Variants in ZNF66 observed in about 807,000 individuals in gnomAD.
ZNF66 encodes the protein putative zinc finger protein 66.
Under a neutral mutation model 35.2 loss-of-function variants are expected in ZNF66, and 32 were observed. The observed-to-expected ratio is 0.91, with a 90% confidence interval of 0.69 to 1.22. ZNF66 has a LOEUF of 1.22. ZNF66 is among the 50% of genes most tolerant of loss of function. The pLI, the probability that ZNF66 is intolerant of heterozygous loss-of-function variation, is 0.00. For synonymous variants in ZNF66, 231 were observed against 181.3 expected (o/e 1.27, Z -2.20); for missense variants, 666 against 543.1 (o/e 1.23, Z -2.25).
chr19:20,776,596 C>A, intron 1 of ZNF66, 146 bp downstream of exon 1: 1 of 1,168,650 alleles, frequency 8.6e-7, no homozygotes, highest in Non-Finnish European at 1.2e-6. Context: ...ATGGCGGCTA[C>A]GCTGACAGCC....
intron 1 of ZNF66, among the ~76,000 whole-genome samples, chr19:20,785,655 A>G (rs1038224916): frequency 6.6e-5 from 10 of 152,186 alleles, no homozygotes; most frequent in Admixed American, 6.5e-5. Context: ...TAATTTTATA[A>G]GAAAGCCATT....
At chr19:20,795,625 C>T (rs1971384904) in intron 3 of ZNF66, among the ~76,000 whole-genome samples, 1 of 152,132 alleles carries the variant, frequency 6.6e-6, no homozygotes, top group African/African-American at 2.4e-5. Flanking sequence ...CCTCAGCCTC[C>T]CAAATTGCTG....
At chr19:20,787,147 A>G (rs1971294105) in intron 1 of ZNF66, among the ~76,000 whole-genome samples, 1 of 152,198 alleles carries the variant, frequency 6.6e-6, no homozygotes, top group Non-Finnish European at 1.5e-5. Flanking sequence ...ATTTCTGAAA[A>G]ACAACTTTGT....
chr19:20,808,755 G>A lies in ZNF66; in HGVS notation c.*1433G>A, dbSNP rs1241390132. On this transcript the variant is annotated 3_prime_UTR_variant, in exon 4 of 4. Transcript: ENST00000344519. ...ACCACAAAGATGGGGAAAAAACAGA[G>A]CAGAAAAACTGGAAAGTCTAAAAAG... is the stretch of plus-strand genomic sequence containing the variant. Among the ~76,000 whole-genome samples, 1 of 151,856 alleles carries A rather than the reference G, an allele frequency of 6.6e-6. No individual in the cohort carries two copies. The highest frequency in any genetic ancestry group is 2.4e-5 in the African/African-American group (1 of 41,312).
At position 20,806,779 on chromosome 19, in the gene ZNF66, A is replaced by C; in HGVS notation, c.1179A>C (p.Gly393=). ...SLTAHKIIHT[G]KKPYKCEECG... ...CTGCACATAAGATAATTCATACTGG[A>C]AAGAAACCTTACAAATGTGAAGAAT... The change falls in exon 4 of 4, where the codon GGA becomes GGC. Residue 393 remains glycine (G), a synonymous_variant. Transcript: ENST00000344519. 1 of 1,321,630 alleles carries C rather than the reference A, an allele frequency of 7.6e-7. No individual in the cohort carries two copies. Among genetic ancestry groups the C allele is most frequent in the Non-Finnish European group, 1.1e-6 (1 of 916,696 alleles). The allele number at this position is 1,321,630 out of a possible 1,614,324, so 81.9% of individuals were successfully genotyped here. A position where few individuals can be genotyped will look rare whatever the true frequency, so the allele number is the denominator to read the frequency against.
At chr19:20,792,705 T>C in intron 2 of ZNF66, 67 bp downstream of exon 2, 1 of 923,042 alleles carries the variant, frequency 1.1e-6, no homozygotes, top group Admixed American at 2.5e-5. Context: ...TTTTGTAGAA[T>C]GTTAGTAATT....
At chr19:20,801,313 A>T (rs1235127659) in intron 3 of ZNF66, among the ~76,000 whole-genome samples, 2 of 137,858 alleles carry the variant, frequency 1.5e-5, no homozygotes, top group Non-Finnish European at 1.6e-5. Flanking sequence ...TAATATTTTC[A>T]TTATGCATAT....
chr19:20,796,853 C>T (rs912568176), intron 3 of ZNF66, among the ~76,000 whole-genome samples: 1 of 151,988 alleles, frequency 6.6e-6, no homozygotes, highest in Non-Finnish European at 1.5e-5. Flanking sequence ...TACCTAGAAA[C>T]ATTTTTATTT....
At chr19:20,789,670 A>C (rs1187164099) in intron 1 of ZNF66, among the ~76,000 whole-genome samples, 1 of 152,090 alleles carries the variant, frequency 6.6e-6, no homozygotes, top group East Asian at 1.9e-4. Flanking sequence ...ATTCCTTATA[A>C]TTTAAAAAAA....
At position 20,787,295 on chromosome 19, in the gene ZNF66, T is replaced by C. The variant is rs1477997693; in HGVS notation, c.4-5217T>C. Among the ~76,000 whole-genome samples the C allele has an allele frequency of 2.6e-5, 4 of 152,318 alleles. No individual in the cohort carries two copies. The East Asian group carries it at 7.7e-4, about 29-fold the overall frequency. On this transcript the variant is annotated intron_variant, in intron 1 of 3. Transcript: ENST00000344519. The stretch of plus-strand genomic sequence containing the variant: ...TTAAACTTGACCCAAATAAACTGTC[T>C]ACTTATGTTCATGTTGTGTCAGCCT...
chr19:20,776,880 C>G (rs554447352), intron 1 of ZNF66, among the ~76,000 whole-genome samples: 57 of 152,116 alleles, frequency 3.7e-4, no homozygotes, highest in African/African-American at 1.1e-3. Flanking sequence ...GTTGGGAGGC[C>G]GAGGCGGGCG....
chr19:20,805,871 A>G lies in ZNF66; in HGVS notation c.271A>G (p.Ile91Val), dbSNP rs1465464797. The G allele has an allele frequency of 1.5e-6, 1 of 650,918 alleles. No individual in the cohort carries two copies. The highest frequency in any genetic ancestry group is 2.5e-5 in the East Asian group (1 of 39,282). The allele number at this position is 650,918 out of a possible 1,614,324, so 40.3% of individuals were successfully genotyped here. Residue 91 changes from isoleucine to valine, a missense_variant, in exon 4 of 4, where the codon ATA becomes GTA. Physicochemically the swap from Ile to Val is conservative, Grantham distance 29 (BLOSUM62 3). Coordinates refer to ENST00000344519, the MANE Select transcript of ZNF66 (RefSeq NM_001355197.2). ...CCAAGACCTTTGGCCAGAGCAGAGC[A>G]TAAAAGATTCTTTCCAAAAACTGAT... The part of the protein sequence containing the change: ...FNQDLWPEQS[I>V]KDSFQKLILR...
intron 3 of ZNF66, chr19:20,799,078 T>TTTTTTTTTTTTTTTTTTTC (rs1460346688): frequency 7.1e-6 from 1 of 140,068 alleles, no homozygotes; most frequent in Non-Finnish European, 1.6e-5. Context: ...TTTTTTTTTT[T>TTTTTTTTTTTTTTTTTTTC]TGAGATGGAA....
chr19:20,801,625 G>A (rs1971448083), intron 3 of ZNF66, among the ~76,000 whole-genome samples: 1 of 151,578 alleles, frequency 6.6e-6, no homozygotes, highest in African/African-American at 2.4e-5. Flanking sequence ...GATTACAGGT[G>A]TGAGCCACTG....
In ZNF66 at chr19:20,776,306, C is replaced by T. The variant is rs1971192328; in HGVS notation, c.-142C>T. 3 of 1,370,018 alleles carry T rather than the reference C, an allele frequency of 2.2e-6. No individual in the cohort carries two copies. Among genetic ancestry groups the T allele is most frequent in the African/African-American group, 2.9e-5 (2 of 69,910 alleles). 84.9% of individuals were successfully genotyped at this position (1,370,018 alleles called of 1,614,324 possible). ...CTTCCGGATTTGGCGGGGTCTTTGT[C>T]TCTCCCTGCAGCTGGAGCTCCAGGT... is the stretch of plus-strand genomic sequence containing the variant. On this transcript the variant is annotated 5_prime_UTR_variant, in exon 1 of 4. Transcript: ENST00000344519.
At chr19:20,782,042 T>G (rs1040701042) in intron 1 of ZNF66, among the ~76,000 whole-genome samples, 25 of 152,302 alleles carry the variant, frequency 1.6e-4, no homozygotes, top group African/African-American at 6.0e-4. Context: ...GCTAAAGCAA[T>G]TCTCTCCTAC....
rs188176021 is a variant in ZNF66, at chr19:20,784,945, G to A, written c.4-7567G>A. The A allele has an allele frequency of 2.6e-5, 4 of 153,252 alleles. No individual in the cohort carries two copies. In the East Asian group the frequency reaches 7.7e-4, roughly 30 times the overall value. The allele number at this position is 153,252 out of a possible 1,614,324, so 9.5% of individuals were successfully genotyped here. A position where few individuals can be genotyped will look rare whatever the true frequency, so the allele number is the denominator to read the frequency against. On this transcript the variant is annotated intron_variant, in intron 1 of 3. Coordinates refer to ENST00000344519, the MANE Select transcript of ZNF66 (RefSeq NM_001355197.2). ...TTTGTCTGTTTCAGAAGCCTTACTA[G>A]TATCCCGTGGTGTCTGAATGAGGTG...
At chr19:20,778,011 T>A (rs10401248) in intron 1 of ZNF66, among the ~76,000 whole-genome samples, 1 of 152,138 alleles carries the variant, frequency 6.6e-6, no homozygotes, top group African/African-American at 2.4e-5. Context: ...TTTATTTTGA[T>A]TTCTGAGTTA....
At position 20,792,532 on chromosome 19, in the gene ZNF66, T is replaced by A. The variant is rs1568496476; in HGVS notation, c.24T>A (p.Asp8Glu). The A allele has an allele frequency of 5.2e-6, 8 of 1,535,378 alleles. No individual in the cohort carries two copies. Among genetic ancestry groups the A allele is most frequent in the Non-Finnish European group, 7.2e-6 (8 of 1,112,764 alleles). Residue 8 changes from aspartate (D) to glutamate (E), a missense_variant, in exon 2 of 4, where the codon GAT becomes GAA. Physicochemically the swap from Asp to Glu is conservative, Grantham distance 45. Coordinates refer to ENST00000344519, the MANE Select transcript of ZNF66 (RefSeq NM_001355197.2). Reference protein sequence around the residue: MGPLQFRDVAIEFSLEEW... With the variant: MGPLQFREVAIEFSLEEW... ...TTCAGGGGCCATTGCAATTTAGAGATGTGGCCATAGAATTCTCTCTGGAGG... is the reference window on the plus strand; with the variant it reads ...TTCAGGGGCCATTGCAATTTAGAGAAGTGGCCATAGAATTCTCTCTGGAGG...
Sources: allele counts gnomAD v4.1 joint callset (sites outside exome capture counted in the v4.1 genomes callset), GRCh38; gene constraint gnomAD v4.1.1; transcripts MANE v1.5; gene names NCBI Gene and HGNC (gene_info 2026-07-23, HGNC 2026-07-21).